The following USP37 variants were observed in gnomAD, a reference collection of about 807,000 sequenced individuals.
The protein encoded by USP37 is ubiquitin carboxyl-terminal hydrolase 37.
Under a neutral mutation model 124.0 loss-of-function variants are expected in USP37, and 27 were observed. The ratio of observed to expected loss-of-function variants is 0.22; its 90% CI spans 0.16 to 0.30. USP37 has a LOEUF of 0.30. Among genes scored for constraint, USP37 ranks in the 10% least tolerant of loss-of-function variants. The pLI is 1.00. For synonymous variants in USP37, 365 were observed against 388.0 expected (o/e 0.94, Z 0.70); for missense variants, 889 against 1,140.4 (o/e 0.78, Z 3.17).
intron 21 of USP37, 26 bp from the exon 22 acceptor site, chr2:218,463,392 G>A: frequency 1.2e-6 from 2 of 1,607,812 alleles, no homozygotes; most frequent in Non-Finnish European, 1.7e-6. Flanking sequence ...CAAAAACTAA[G>A]GTATTTAAAG....
intron 2 of USP37, among the ~76,000 whole-genome samples, chr2:218,561,976 C>T (rs540767886): frequency 6.6e-6 from 1 of 152,302 alleles, no homozygotes; most frequent in African/African-American, 2.4e-5. Flanking sequence ...ATCCCCAACC[C>T]TCCTTAATTT....
At position 218,525,532 on chromosome 2, in the gene USP37, T is replaced by A. The variant is rs148005627; in HGVS notation, c.863+4424A>T. 2.5e-3 allele frequency among the ~76,000 whole-genome samples: 376 copies of A among 152,300 alleles called. 2 individuals are homozygous for A. The highest frequency in any genetic ancestry group is 8.5e-3 in the African/African-American group (353 of 41,572). On this transcript the variant is annotated intron_variant, in intron 10 of 25. Transcript: ENST00000258399. ...ATTCTTTGTCTATATTCTTGAAATA[T>A]AATTTAGCTAGGTATAGAAGTTTTT...
Position 218,469,139 on chromosome 2 carries a change from AATTT to A in USP37, c.2300-2967_2300-2964del, listed in dbSNP as rs371545682. ...TATTAAAAGAGGAAAAGAGACTCAGAATTTATTTGGTGGAAAAATCCCAATTGTT... is the reference window on the plus strand; with the variant it reads ...TATTAAAAGAGGAAAAGAGACTCAGAATTTGGTGGAAAAATCCCAATTGTT... On this transcript the variant is annotated intron_variant, in intron 20 of 25. Coordinates refer to ENST00000258399, the MANE Select transcript of USP37 (RefSeq NM_020935.3). Among the ~76,000 whole-genome samples, 7 of 152,352 alleles carry A rather than the reference AATTT, an allele frequency of 4.6e-5. No homozygotes were observed. In the East Asian group the frequency reaches 1.3e-3, roughly 29 times the overall value.
intron 24 of USP37, among the ~76,000 whole-genome samples, chr2:218,456,209 G>C (rs961386182): frequency 4.6e-5 from 7 of 152,174 alleles, no homozygotes; most frequent in Non-Finnish European, 8.8e-5. Context: ...AGCACTTTGG[G>C]AGGCCAAGGC....
At chr2:218,558,351 G>T in intron 4 of USP37, 147 bp downstream of exon 4, 1 of 705,044 alleles carries the variant, frequency 1.4e-6, no homozygotes, top group Non-Finnish European at 2.2e-6. Flanking sequence ...TATAAAACAT[G>T]TACATAAAAA....
chr2:218,534,845 T>TAA, intron 8 of USP37, 139 bp from the exon 9 acceptor site: 2 of 454,844 alleles, frequency 4.4e-6, no homozygotes, highest in Non-Finnish European at 7.3e-6. Context: ...ACAAGATTGT[T>TAA]AGTCTCAAAA....
intron 9 of USP37, among the ~76,000 whole-genome samples, chr2:218,532,149 A>G (rs2106026992): frequency 6.6e-6 from 1 of 152,310 alleles, no homozygotes; most frequent in Non-Finnish European, 1.5e-5. Context: ...CGAAGAGTCA[A>G]TCAGAGATGT....
intron 22 of USP37, among the ~76,000 whole-genome samples, chr2:218,462,860 T>C (rs1690088031): frequency 6.6e-6 from 1 of 152,064 alleles, no homozygotes; most frequent in African/African-American, 2.4e-5. Context: ...GTTCTATTTC[T>C]TTACCTGGGA....
At chr2:218,486,042 C>A in intron 15 of USP37, 1 of 288,494 alleles carries the variant, frequency 3.5e-6, no homozygotes. Flanking sequence ...AGCCTTTTCC[C>A]CATGGACACA....
intron 15 of USP37, 151 bp from the exon 16 acceptor site, chr2:218,485,894 C>A: frequency 5.5e-6 from 4 of 725,970 alleles, no homozygotes; most frequent in Non-Finnish European, 8.8e-6. Flanking sequence ...TGAGCCTTAC[C>A]AAATTAAGAC....
chr2:218,543,800 C>T (rs965730268), intron 8 of USP37, among the ~76,000 whole-genome samples: 1 of 151,654 alleles, frequency 6.6e-6, no homozygotes, highest in Non-Finnish European at 1.5e-5. Flanking sequence ...AGCGAGACTC[C>T]GTCTCAAAAA....
intron 10 of USP37, chr2:218,528,914 G>C (rs1221184043): frequency 7.6e-6 from 3 of 393,068 alleles, no homozygotes; most frequent in African/African-American, 2.2e-5. Context: ...GACATTCACT[G>C]CTGTAATACA....
In USP37 at chr2:218,488,405, G is replaced by T. The variant is rs143511861; in HGVS notation, c.1489C>A (p.Pro497Thr). ...IICKACGEII[P>T]KREQFNDLSI... ...AGGTCATTAAACTGTTCTCTTTTGG[G>T]GATAATCTCTCCACATCTGTAAGAA... is the stretch of plus-strand genomic sequence containing the variant. The change falls in exon 15 of 26, where the codon CCC (proline) becomes ACC (threonine). Residue 497 changes from proline (P) to threonine (T), a missense_variant. Transcript: ENST00000258399. 12 of 1,605,330 alleles carry T rather than the reference G, an allele frequency of 7.5e-6. No individual in the cohort carries two copies. Among genetic ancestry groups the T allele is most frequent in the Non-Finnish European group, 6.8e-6 (8 of 1,176,228 alleles).
At chr2:218,498,184 G>C (rs1689173295) in intron 11 of USP37, 27 bp from the exon 12 acceptor site, 1 of 1,561,240 alleles carries the variant, frequency 6.4e-7, no homozygotes, top group Non-Finnish European at 8.6e-7. Context: ...TAGTGCTTTA[G>C]AAGGCAACAG....
chr2:218,517,676 C>G (rs79024668), intron 10 of USP37, among the ~76,000 whole-genome samples: 1,877 of 152,238 alleles, frequency 0.012, 46 homozygotes, highest in African/African-American at 0.043. Context: ...TTCACTATGA[C>G]ATGCCTAAGG....
intron 20 of USP37, among the ~76,000 whole-genome samples, chr2:218,472,476 TTTTTGAGACAGAG>T (rs1690747898): frequency 6.6e-6 from 1 of 152,052 alleles, no homozygotes; most frequent in Non-Finnish European, 1.5e-5. Context: ...CTCTTTTTTT[TTTTTGAGACAGAG>T]TTTTGCTCTT....
intron 17 of USP37, among the ~76,000 whole-genome samples, chr2:218,480,145 CAA>C (rs1248851450): frequency 2.5e-5 from 3 of 122,112 alleles, no homozygotes; most frequent in Non-Finnish European, 1.8e-5. Flanking sequence ...GACTCCATCT[CAA>C]AAAAAAAAAA....
chr2:218,502,174 A>G (rs949510339), intron 11 of USP37, among the ~76,000 whole-genome samples: 1 of 152,212 alleles, frequency 6.6e-6, no homozygotes, highest in African/African-American at 2.4e-5. Context: ...CAAAACAATC[A>G]AAACTACTGC....
chr2:218,554,607 C>G (rs1692854729), intron 4 of USP37, among the ~76,000 whole-genome samples: 1 of 151,990 alleles, frequency 6.6e-6, no homozygotes, highest in Non-Finnish European at 1.5e-5. Context: ...AGTAGCCAGG[C>G]ATAGTGGAGC....
Sources: gnomAD v4.1 joint callset for allele counts (sites outside exome capture counted in the v4.1 genomes callset) on GRCh38, gnomAD v4.1.1 for gene constraint, MANE v1.5 for transcripts, NCBI Gene and HGNC (gene_info 2026-07-23, HGNC 2026-07-21) for gene names.